LRMDA: variants seen among roughly 807,000 people sequenced by gnomAD.
LRMDA encodes the protein leucine rich melanocyte differentiation associated.
LRMDA carries 18 observed loss-of-function variants against 29.8 expected under a neutral mutation model. The ratio of observed to expected loss-of-function variants is 0.60; its 90% CI spans 0.42 to 0.90. The LOEUF (loss-of-function observed/expected upper bound fraction) is 0.90, where lower values mean the gene tolerates loss of function less well. LRMDA is among the 40% of genes least tolerant of loss of function. The pLI is 0.00. For synonymous variants in LRMDA, 125 were observed against 109.4 expected (o/e 1.14, Z -0.89); for missense variants, 273 against 273.9 (o/e 1.00, Z 0.02).
chr10:75,972,492 CA>C (rs1302416284), intron 2 of LRMDA, among the ~76,000 whole-genome samples: 2 of 151,988 alleles, frequency 1.3e-5, no homozygotes, highest in African/African-American at 4.8e-5. Flanking sequence ...AAAAACAATA[CA>C]AAAAACCTCT....
intron 5 of LRMDA, among the ~76,000 whole-genome samples, chr10:76,311,562 C>A (rs1377342680): frequency 6.6e-6 from 1 of 152,124 alleles, no homozygotes; most frequent in Non-Finnish European, 1.5e-5. Context: ...TATTTTAAGG[C>A]CCCATAAAAT....
At chr10:75,597,514 A>C (rs1840806057) in intron 2 of LRMDA, among the ~76,000 whole-genome samples, 1 of 152,148 alleles carries the variant, frequency 6.6e-6, no homozygotes, top group South Asian at 2.1e-4. Context: ...AAATACCGTA[A>C]AAAGCCTCCC....
At chr10:75,871,129 C>T (rs972430583) in intron 2 of LRMDA, among the ~76,000 whole-genome samples, 2 of 152,232 alleles carry the variant, frequency 1.3e-5, no homozygotes, top group African/African-American at 4.8e-5. Flanking sequence ...AGCTGTTCCC[C>T]TTCTTCCCTG....
At chr10:76,436,599 T>C (rs1329781499) in intron 6 of LRMDA, among the ~76,000 whole-genome samples, 1 of 152,180 alleles carries the variant, frequency 6.6e-6, no homozygotes, top group African/African-American at 2.4e-5. Context: ...GAGCAGGCAC[T>C]ACAGGTTCCT....
At chr10:76,180,406 A>G (rs1851024952) in intron 5 of LRMDA, among the ~76,000 whole-genome samples, 1 of 150,586 alleles carries the variant, frequency 6.6e-6, no homozygotes, top group South Asian at 2.1e-4. Context: ...CAGCCTCCCA[A>G]GTGGCTGGGA....
chr10:76,396,365 A>G (rs1272754141), intron 6 of LRMDA: 2 of 152,234 alleles, frequency 1.3e-5, no homozygotes, highest in Non-Finnish European at 2.9e-5. Flanking sequence ...GTCATAAATC[A>G]GATATGAGAG....
chr10:75,937,835 C>T (rs1298787894), intron 2 of LRMDA, among the ~76,000 whole-genome samples: 1 of 152,154 alleles, frequency 6.6e-6, no homozygotes, highest in East Asian at 1.9e-4. Flanking sequence ...TATTAGCAGG[C>T]ATGTATGATA....
intron 2 of LRMDA, among the ~76,000 whole-genome samples, chr10:75,553,345 T>C (rs1019558019): frequency 6.6e-6 from 1 of 152,162 alleles, no homozygotes; most frequent in African/African-American, 2.4e-5. Context: ...AGATGAAGGG[T>C]TTTCCTCAAG....
At chr10:75,468,266 C>A (rs1396826284) in intron 2 of LRMDA, among the ~76,000 whole-genome samples, 2 of 152,100 alleles carry the variant, frequency 1.3e-5, no homozygotes, top group Non-Finnish European at 2.9e-5. Context: ...CTTTAGTTAA[C>A]TGAATCCTTT....
chr10:75,458,625 T>G (rs1387240208), intron 2 of LRMDA, among the ~76,000 whole-genome samples: 2 of 152,140 alleles, frequency 1.3e-5, no homozygotes, highest in East Asian at 3.8e-4. Flanking sequence ...AGGCATGATT[T>G]TTATCTAGTT....
At chr10:75,720,467 T>A (rs772231913) in intron 2 of LRMDA, among the ~76,000 whole-genome samples, 3 of 152,256 alleles carry the variant, frequency 2.0e-5, no homozygotes, top group African/African-American at 7.2e-5. Flanking sequence ...CTGTGCTACA[T>A]CTTTCTTGGA....
At chr10:76,150,440 G>A (rs936670662) in intron 5 of LRMDA, among the ~76,000 whole-genome samples, 3 of 152,184 alleles carry the variant, frequency 2.0e-5, no homozygotes, top group African/African-American at 7.2e-5. Context: ...ACACAAAAAT[G>A]TGCCTTCCCC....
intron 2 of LRMDA, among the ~76,000 whole-genome samples, chr10:75,765,113 CA>C (rs1294688402): frequency 6.6e-6 from 1 of 152,170 alleles, no homozygotes; most frequent in African/African-American, 2.4e-5. Flanking sequence ...AATACTTTTT[CA>C]GTTGTCACTC....
chr10:75,583,378 C>T (rs1421801315), intron 2 of LRMDA, among the ~76,000 whole-genome samples: 3 of 152,114 alleles, frequency 2.0e-5, no homozygotes, highest in Non-Finnish European at 4.4e-5. Flanking sequence ...AGGAACCTTC[C>T]AATCATAGTG....
chr10:76,055,615 C>G (rs1848601099), intron 4 of LRMDA, among the ~76,000 whole-genome samples: 1 of 152,194 alleles, frequency 6.6e-6, no homozygotes, highest in African/African-American at 2.4e-5. Context: ...AAGGGTGAGC[C>G]AGGTGTGGAG....
At chr10:75,882,397 T>C (rs1845309642) in intron 2 of LRMDA, among the ~76,000 whole-genome samples, 2 of 152,326 alleles carry the variant, frequency 1.3e-5, no homozygotes, top group Middle Eastern at 3.4e-3. Context: ...AAACTGAATT[T>C]CTTTGTTTTT....
chr10:75,487,742 G>C (rs910086864), intron 2 of LRMDA, among the ~76,000 whole-genome samples: 1 of 152,230 alleles, frequency 6.6e-6, no homozygotes, highest in Non-Finnish European at 1.5e-5. Context: ...AGCACTCTCA[G>C]TGTCCAAGTG....
At chr10:76,078,041 C>T (rs1213807531) in intron 5 of LRMDA, among the ~76,000 whole-genome samples, 7 of 102,502 alleles carry the variant, frequency 6.8e-5, no homozygotes, top group African/African-American at 2.3e-4. Flanking sequence ...GATGGAGTCT[C>T]GCTCTGTCGC....
chr10:75,866,532 G>T (rs898413397), intron 2 of LRMDA, among the ~76,000 whole-genome samples: 1 of 152,208 alleles, frequency 6.6e-6, no homozygotes, highest in Admixed American at 6.5e-5. Flanking sequence ...AGAGGCATGG[G>T]CAGCTGAGAG....
Sources: allele counts gnomAD v4.1 joint callset (sites outside exome capture counted in the v4.1 genomes callset), GRCh38; gene constraint gnomAD v4.1.1; transcripts MANE v1.5; gene names NCBI Gene and HGNC (gene_info 2026-07-23, HGNC 2026-07-21).